UBE2QL1: variants seen among roughly 807,000 people sequenced by gnomAD.
UBE2QL1 encodes ubiquitin conjugating enzyme E2 QL1, also known as ubiquitin-conjugating enzyme E2Q-like protein 1.
Under a neutral mutation model 12.6 loss-of-function variants are expected in UBE2QL1, and 5 were observed. The ratio of observed to expected loss-of-function variants is 0.40; its 90% CI spans 0.21 to 0.83. The LOEUF is 0.83. UBE2QL1 is among the 40% of genes least tolerant of loss of function. The pLI, the probability that UBE2QL1 is intolerant of heterozygous loss-of-function variation, is 0.37. For missense variants in UBE2QL1, 99 were observed against 222.6 expected, an observed-to-expected ratio of 0.44 and a Z score of 3.53; for synonymous variants, 96 against 94.5, an observed-to-expected ratio of 1.02 and a Z score of -0.10.
intron 1 of UBE2QL1, among the ~76,000 whole-genome samples, chr5:6,457,135 G>C (rs1464460260): frequency 6.6e-6 from 1 of 151,812 alleles, no homozygotes; most frequent in African/African-American, 2.4e-5. Context: ...TTATGAAATA[G>C]AGCTCAAGTT....
intron 1 of UBE2QL1, among the ~76,000 whole-genome samples, chr5:6,460,284 CGT>C (rs1282888785): frequency 6.6e-6 from 1 of 152,168 alleles, no homozygotes; most frequent in Non-Finnish European, 1.5e-5. Flanking sequence ...AATGATGACA[CGT>C]GTTCCTTGCA....
intron 1 of UBE2QL1, among the ~76,000 whole-genome samples, chr5:6,469,658 C>G (rs1286614668): frequency 3.3e-5 from 5 of 150,876 alleles, no homozygotes; most frequent in African/African-American, 1.2e-4. Flanking sequence ...TTTTTTTATT[C>G]AAACAGTATA....
At chr5:6,449,450 C>T (rs1430713871) in intron 1 of UBE2QL1, among the ~76,000 whole-genome samples, 3 of 152,104 alleles carry the variant, frequency 2.0e-5, no homozygotes, top group South Asian at 2.1e-4. Context: ...CCCTGCTTTC[C>T]GTCCCGTCTC....
At chr5:6,449,373 T>G in intron 1 of UBE2QL1, 126 bp downstream of exon 1, 1 of 917,256 alleles carries the variant, frequency 1.1e-6, no homozygotes. Context: ...CTGCTCTGAC[T>G]ACACCAGCGC....
rs1395987208 is a variant in UBE2QL1, at chr5:6,494,967, CT to C, written c.*3619del. On this transcript the variant is annotated 3_prime_UTR_variant, in exon 2 of 2. Coordinates refer to ENST00000399816, the MANE Select transcript of UBE2QL1 (RefSeq NM_001145161.3). ...CAAGCAAGGCAAGTGCCAAATTGCA[CT>C]GCAGAAATTAAAGACATGTGCAAGT... 1 of 152,224 alleles carries C rather than the reference CT, an allele frequency of 6.6e-6. No homozygotes were observed. The highest frequency in any genetic ancestry group is 2.4e-5 in the African/African-American group (1 of 41,446). The allele number at this position is 152,224 out of a possible 1,614,324, so 9.4% of individuals were successfully genotyped here.
chr5:6,462,746 A>G (rs1267544184), intron 1 of UBE2QL1, among the ~76,000 whole-genome samples: 2 of 152,180 alleles, frequency 1.3e-5, no homozygotes, highest in African/African-American at 2.4e-5. Context: ...GACTTTCCCC[A>G]TAGAATTCTA....
chr5:6,455,330 A>G (rs1482900979), intron 1 of UBE2QL1, among the ~76,000 whole-genome samples: 1 of 152,150 alleles, frequency 6.6e-6, no homozygotes. Flanking sequence ...CAGCCTCACT[A>G]GTACCATGTC....
chr5:6,454,145 G>A (rs886934424), intron 1 of UBE2QL1, among the ~76,000 whole-genome samples: 2 of 152,158 alleles, frequency 1.3e-5, no homozygotes, highest in African/African-American at 4.8e-5. Context: ...GCCTCCCAGA[G>A]TATTGGGATT....
chr5:6,463,845 T>C (rs1478138192), intron 1 of UBE2QL1, among the ~76,000 whole-genome samples: 4 of 152,032 alleles, frequency 2.6e-5, no homozygotes, highest in Non-Finnish European at 2.9e-5. Flanking sequence ...GCCAAGATGA[T>C]GTCGATCTCC....
chr5:6,460,420 A>G (rs1739626903), intron 1 of UBE2QL1, among the ~76,000 whole-genome samples: 1 of 152,218 alleles, frequency 6.6e-6, no homozygotes, highest in South Asian at 2.1e-4. Context: ...TGCTTTCATA[A>G]TGATGAGTGT....
intron 1 of UBE2QL1, among the ~76,000 whole-genome samples, chr5:6,453,763 T>C (rs1349108476): frequency 6.6e-6 from 1 of 151,898 alleles, no homozygotes; most frequent in Admixed American, 6.6e-5. Context: ...TCTTCCAAAA[T>C]ACTAGGCCTA....
At chr5:6,475,404 G>A (rs941973742) in intron 1 of UBE2QL1, among the ~76,000 whole-genome samples, 4 of 105,036 alleles carry the variant, frequency 3.8e-5, no homozygotes, top group African/African-American at 7.9e-5. Flanking sequence ...CAGAGATCCC[G>A]AATTTGCTTT....
intron 1 of UBE2QL1, among the ~76,000 whole-genome samples, chr5:6,474,842 C>T (rs185118392): frequency 2.0e-5 from 3 of 152,288 alleles, no homozygotes; most frequent in Non-Finnish European, 4.4e-5. Flanking sequence ...GCACAGTCTC[C>T]AGAACCCAAC....
At chr5:6,473,468 C>T (rs749498447) in intron 1 of UBE2QL1, among the ~76,000 whole-genome samples, 17 of 152,230 alleles carry the variant, frequency 1.1e-4, no homozygotes, top group Non-Finnish European at 1.5e-4. Flanking sequence ...GGAACACACA[C>T]GCCTCCTTCT....
chr5:6,457,394 A>G (rs1029789104), intron 1 of UBE2QL1, among the ~76,000 whole-genome samples: 1 of 152,170 alleles, frequency 6.6e-6, no homozygotes, highest in Non-Finnish European at 1.5e-5. Context: ...ATTGTTTAGA[A>G]AAAGTTCATT....
intron 1 of UBE2QL1, among the ~76,000 whole-genome samples, chr5:6,468,567 A>C (rs939639973): frequency 6.6e-6 from 1 of 152,190 alleles, no homozygotes; most frequent in African/African-American, 2.4e-5. Flanking sequence ...TGAAATGATC[A>C]TGGGGAATCT....
chr5:6,472,931 A>C (rs1739948240), intron 1 of UBE2QL1, among the ~76,000 whole-genome samples: 1 of 152,180 alleles, frequency 6.6e-6, no homozygotes, highest in Admixed American at 6.5e-5. Context: ...GCCCTTCTCC[A>C]TGTGAGCTGC....
rs1464981003 is a variant in UBE2QL1 at position 6,478,932 on chromosome 5, C to T, written c.355-12286C>T. On this transcript the variant is annotated intron_variant, in intron 1 of 1. Coordinates refer to ENST00000399816, the MANE Select transcript of UBE2QL1 (RefSeq NM_001145161.3). This position sits in a 1 kb window ranked among gnomAD's most constrained non-coding sequence, Gnocchi z 4.5. ...ATCTCCCTGGCACCCCTCCACTCCC[C>T]TCTGCTTCCTTCCTGCTCAGGGGCT... Among the ~76,000 whole-genome samples, 1 of 152,178 alleles carries T rather than the reference C, an allele frequency of 6.6e-6. No homozygotes were observed. The highest frequency in any genetic ancestry group is 1.5e-5 in the Non-Finnish European group (1 of 68,028).
In UBE2QL1 at chr5:6,495,889, C is replaced by T. The variant is rs534883674; in HGVS notation, c.*4540C>T. On this transcript the variant is annotated 3_prime_UTR_variant, in exon 2 of 2. Coordinates refer to ENST00000399816, the MANE Select transcript of UBE2QL1 (RefSeq NM_001145161.3). ...TAGTATTAAATATCATTTTTAAGCC[C>T]AGGGCCTGTCTGATCCACAGAATGT... 3.9e-5 allele frequency among the ~76,000 whole-genome samples: 6 copies of T among 152,256 alleles called. 1 individual carries two copies. Among genetic ancestry groups the T allele is most frequent in the African/African-American group, 1.4e-4 (6 of 41,518 alleles).
Sources: allele counts gnomAD v4.1 joint callset (sites outside exome capture counted in the v4.1 genomes callset), GRCh38; gene constraint gnomAD v4.1.1; non-coding constraint Gnocchi (gnomAD v3.1); transcripts MANE v1.5; gene names NCBI Gene and HGNC (gene_info 2026-07-23, HGNC 2026-07-21).